The following TTC8 variants were observed in gnomAD, a reference collection of about 807,000 sequenced individuals.
TTC8 encodes tetratricopeptide repeat protein 8.
TTC8 carries 47 observed loss-of-function variants against 72.5 expected under a neutral mutation model. That is an observed-to-expected ratio of 0.65 (90% CI 0.51 to 0.83). TTC8 has a LOEUF of 0.83. TTC8 is among the 40% of genes least tolerant of loss of function. The probability of loss-of-function intolerance (pLI) is 0.00; values close to 1 mark genes in which losing one functional copy is unlikely to be tolerated. For synonymous variants in TTC8, 199 were observed against 221.4 expected (o/e 0.90, Z 0.90); for missense variants, 611 against 623.2 (o/e 0.98, Z 0.21).
intron 1 of TTC8, among the ~76,000 whole-genome samples, chr14:88,827,098 A>G (rs2094704967): frequency 6.6e-6 from 1 of 152,098 alleles, no homozygotes; most frequent in Admixed American, 6.5e-5. Context: ...TACATCGGGA[A>G]ATGTAGGCAA....
intron 2 of TTC8, among the ~76,000 whole-genome samples, chr14:88,838,021 G>A (rs964553227): frequency 9.2e-5 from 14 of 152,108 alleles, no homozygotes; most frequent in Non-Finnish European, 1.5e-4. Flanking sequence ...CCAGAAAAGT[G>A]CAAGCCAAAA....
chr14:88,872,181 TA>T (rs1245905665), intron 12 of TTC8, 148 bp from the exon 13 acceptor site: 12 of 1,206,130 alleles, frequency 9.9e-6, no homozygotes, highest in African/African-American at 1.5e-5. Context: ...ATTCTTAGGT[TA>T]AATCCACTTA....
chr14:88,843,992 C>T lies in TTC8; in HGVS notation c.624+142C>T, dbSNP rs541978842. 1.9e-5 allele frequency: 12 copies of T among 646,380 alleles called. No homozygotes were observed. The South Asian group carries it at 2.4e-4, about 13-fold the overall frequency. 40.0% of individuals were successfully genotyped at this position (646,380 alleles called of 1,614,324 possible). A position where few individuals can be genotyped will look rare whatever the true frequency, so the allele number is the denominator to read the frequency against. On this transcript the variant is annotated intron_variant, in intron 7 of 14. Coordinates refer to ENST00000380656, the MANE Select transcript of TTC8 (RefSeq NM_144596.4). ...GAACTACTAATACTTTAAAATCCACCCTCAGTTTCTGTGGGAAAATGTGTA... is the reference window on the plus strand; with the variant it reads ...GAACTACTAATACTTTAAAATCCACTCTCAGTTTCTGTGGGAAAATGTGTA...
intron 1 of TTC8, among the ~76,000 whole-genome samples, chr14:88,826,025 C>G (rs1044968598): frequency 5.9e-5 from 9 of 151,718 alleles, no homozygotes; most frequent in African/African-American, 2.2e-4. Flanking sequence ...CTCTGTCGCC[C>G]AGGCTGGAGT....
At chr14:88,827,793 G>C (rs1347135297) in intron 1 of TTC8, among the ~76,000 whole-genome samples, 1 of 152,170 alleles carries the variant, frequency 6.6e-6, no homozygotes, top group Non-Finnish European at 1.5e-5. Context: ...ATTTATGTTA[G>C]AGTGTTGATG....
chr14:88,857,225 A>G lies in TTC8; in HGVS notation c.746A>G (p.Lys249Arg). 1 of 1,613,942 alleles carries G rather than the reference A, an allele frequency of 6.2e-7. No homozygotes were observed. The highest frequency in any genetic ancestry group is 8.5e-7 in the Non-Finnish European group (1 of 1,179,922). Residue 249 changes from lysine to arginine, a missense_variant, in exon 9 of 15, where the codon AAA becomes AGA. By Grantham distance (26) the Lys-to-Arg change is conservative. Coordinates refer to ENST00000380656, the MANE Select transcript of TTC8 (RefSeq NM_144596.4). ...TATCGTGAAGCAGAAAAACAGTTTAAATCAGCCCTGAAGCAGCAGGAAATG... is the reference window on the plus strand; with the variant it reads ...TATCGTGAAGCAGAAAAACAGTTTAGATCAGCCCTGAAGCAGCAGGAAATG... ...GMYREAEKQFKSALKQQEMVD... is the reference protein window; with the variant it reads ...GMYREAEKQFRSALKQQEMVD...
chr14:88,858,628 C>G (rs1409312500), intron 9 of TTC8, among the ~76,000 whole-genome samples: 1 of 151,810 alleles, frequency 6.6e-6, no homozygotes, highest in East Asian at 1.9e-4. Context: ...GGGTGTCACT[C>G]TGTCACCCAG....
At chr14:88,854,294 C>T (rs533175542) in intron 8 of TTC8, among the ~76,000 whole-genome samples, 2 of 152,250 alleles carry the variant, frequency 1.3e-5, no homozygotes, top group East Asian at 3.9e-4. Context: ...ATGAGTGTAC[C>T]TTGTCATATT....
intron 9 of TTC8, among the ~76,000 whole-genome samples, chr14:88,858,767 T>A (rs1235081996): frequency 2.1e-5 from 3 of 144,404 alleles, no homozygotes; most frequent in African/African-American, 7.7e-5. Context: ...TTTTTTTTTT[T>A]TTTTTTTTTT....
chr14:88,863,216 C>T (rs975937677), intron 10 of TTC8, among the ~76,000 whole-genome samples: 1 of 152,098 alleles, frequency 6.6e-6, no homozygotes, highest in African/African-American at 2.4e-5. Flanking sequence ...CCCCAAACCA[C>T]GCTGAGATTC....
chr14:88,836,993 G>T, intron 2 of TTC8: 1 of 245,156 alleles, frequency 4.1e-6, no homozygotes, highest in South Asian at 3.5e-5. Context: ...CCCAGGAAGC[G>T]GAGGTTGCAG....
intron 7 of TTC8, among the ~76,000 whole-genome samples, chr14:88,845,063 A>T (rs1405229878): frequency 1.3e-5 from 2 of 152,194 alleles, no homozygotes; most frequent in Admixed American, 6.5e-5. Context: ...ATTAGTAAAG[A>T]TCCATGAAAA....
At chr14:88,847,184 A>G (rs1187023707) in intron 7 of TTC8, among the ~76,000 whole-genome samples, 3 of 152,222 alleles carry the variant, frequency 2.0e-5, no homozygotes, top group Non-Finnish European at 4.4e-5. Flanking sequence ...GCAGGATTGG[A>G]AAATACTGCC....
chr14:88,830,422 G>T (rs2094720431), intron 1 of TTC8, among the ~76,000 whole-genome samples: 1 of 152,130 alleles, frequency 6.6e-6, no homozygotes, highest in South Asian at 2.1e-4. Context: ...GTTCTGAAAG[G>T]GGGAGTAATA....
Position 88,858,801 on chromosome 14 carries a change from C to T in TTC8, c.798+1524C>T, listed in dbSNP as rs1372067385. Among the ~76,000 whole-genome samples, 15 of 111,288 alleles carry T rather than the reference C, an allele frequency of 1.3e-4. No individual in the cohort carries two copies. The Admixed American group carries it at 1.9e-3, about 14-fold the overall frequency. 73.0% of individuals were successfully genotyped at this position (111,288 alleles called of 152,430 possible). On this transcript the variant is annotated intron_variant, in intron 9 of 14. Coordinates refer to ENST00000380656, the MANE Select transcript of TTC8 (RefSeq NM_144596.4). ...TTTTTTTGGTAGAGATGGATTCTTGCTGTGTTGATAGGCTGGTCTCAAACT... is the reference window on the plus strand; with the variant it reads ...TTTTTTTGGTAGAGATGGATTCTTGTTGTGTTGATAGGCTGGTCTCAAACT...
Position 88,877,495 on chromosome 14 carries a change from T to A in TTC8, c.*85T>A. ...TATGTCTGTGTATGTATGTATATAG[T>A]GTAATACGTATATTTTAACAAACCT... is the stretch of plus-strand genomic sequence containing the variant. On this transcript the variant is annotated 3_prime_UTR_variant, in exon 15 of 15. Transcript: ENST00000380656. 9.3e-7 allele frequency: 1 copy of A among 1,070,400 alleles called. No individual in the cohort carries two copies. Among genetic ancestry groups the A allele is most frequent in the Non-Finnish European group, 1.5e-6 (1 of 687,224 alleles). The allele number at this position is 1,070,400 out of a possible 1,614,324, so 66.3% of individuals were successfully genotyped here. A position where few individuals can be genotyped will look rare whatever the true frequency, so the allele number is the denominator to read the frequency against.
chr14:88,856,518 A>C (rs1752586782), intron 8 of TTC8, among the ~76,000 whole-genome samples: 1 of 152,126 alleles, frequency 6.6e-6, no homozygotes, highest in Non-Finnish European at 1.5e-5. Flanking sequence ...GACCTGTTGA[A>C]AGTTGTGTGT....
chr14:88,828,820 G>A (rs768107936), intron 1 of TTC8, among the ~76,000 whole-genome samples: 2 of 152,122 alleles, frequency 1.3e-5, no homozygotes, highest in African/African-American at 4.8e-5. Flanking sequence ...CTATTTATAT[G>A]CATTTATTTC....
chr14:88,826,417 T>C (rs2140947980), intron 1 of TTC8, among the ~76,000 whole-genome samples: 1 of 151,896 alleles, frequency 6.6e-6, no homozygotes, highest in East Asian at 2.0e-4. Context: ...TAAGAACCTT[T>C]GATGTGGCCG....
Sources: allele counts gnomAD v4.1 joint callset (sites outside exome capture counted in the v4.1 genomes callset), GRCh38; gene constraint gnomAD v4.1.1; transcripts MANE v1.5; gene names NCBI Gene and HGNC (gene_info 2026-07-23, HGNC 2026-07-21).